The following GGNBP2 variants were observed in gnomAD, a reference collection of about 807,000 sequenced individuals.
The protein encoded by GGNBP2 is gametogenetin-binding protein 2.
A neutral mutation model predicts 85.9 loss-of-function variants in GGNBP2; 10 were observed. The observed-to-expected ratio is 0.12, with a 90% CI of 0.07 to 0.20. GGNBP2 has a LOEUF of 0.20. Among genes scored for constraint, GGNBP2 ranks in the 10% least tolerant of loss-of-function variants. The pLI is 1.00. For synonymous variants in GGNBP2, 287 were observed against 285.7 expected (o/e 1.00, Z -0.05); for missense variants, 595 against 857.8 (o/e 0.69, Z 3.83).
chr17:36,583,134 A>G (rs751953470), intron 9 of GGNBP2, among the ~76,000 whole-genome samples: 4 of 151,828 alleles, frequency 2.6e-5, no homozygotes, highest in Non-Finnish European at 5.9e-5. Flanking sequence ...GCTCACTGCA[A>G]CCTCCGCCTC....
chr17:36,588,765 G>A (rs1054692867), intron 13 of GGNBP2, among the ~76,000 whole-genome samples: 5 of 151,998 alleles, frequency 3.3e-5, no homozygotes, highest in Non-Finnish European at 5.9e-5. Flanking sequence ...ACCTGTATAA[G>A]TTTAATGTTT....
At chr17:36,577,530 GA>G (rs1315104969) in intron 6 of GGNBP2, 1 of 162,938 alleles carries the variant, frequency 6.1e-6, no homozygotes, top group Admixed American at 6.0e-5. Flanking sequence ...TGTTGTAATA[GA>G]AATTGGAGTC....
At chr17:36,568,517 G>A (rs1473123317) in intron 6 of GGNBP2, among the ~76,000 whole-genome samples, 5 of 151,606 alleles carry the variant, frequency 3.3e-5, no homozygotes, top group East Asian at 2.0e-4. Context: ...GGCTGGTCTC[G>A]AACTCCTGAC....
chr17:36,575,648 A>ATATT (rs374366757), intron 6 of GGNBP2, among the ~76,000 whole-genome samples: 1,265 of 54,800 alleles, frequency 0.023, 58 homozygotes, highest in Non-Finnish European at 0.024. Context: ...ATATATATAT[A>ATATT]TTTTTTTTTT....
chr17:36,562,685 G>C (rs2074429407), intron 5 of GGNBP2, among the ~76,000 whole-genome samples: 1 of 151,188 alleles, frequency 6.6e-6, no homozygotes, highest in African/African-American at 2.4e-5. Flanking sequence ...ACATTTTATC[G>C]GCCGGGTGCA....
intron 3 of GGNBP2, 90 bp from the exon 4 acceptor site, chr17:36,556,993 T>A (rs2074368415): frequency 4.7e-6 from 7 of 1,498,452 alleles, no homozygotes; most frequent in Non-Finnish European, 6.4e-6. Flanking sequence ...AGGTTGTACT[T>A]TACTGCACAA....
intron 6 of GGNBP2, among the ~76,000 whole-genome samples, chr17:36,574,025 C>T (rs2142754969): frequency 6.6e-6 from 1 of 152,096 alleles, no homozygotes; most frequent in East Asian, 1.9e-4. Flanking sequence ...ACCCCTTATT[C>T]AATATATGGT....
At chr17:36,553,380 C>T (rs1437556065) in intron 2 of GGNBP2, among the ~76,000 whole-genome samples, 4 of 152,138 alleles carry the variant, frequency 2.6e-5, no homozygotes, top group African/African-American at 9.7e-5. Flanking sequence ...TCAAGAAAAA[C>T]TCTTAAATCT....
chr17:36,573,344 C>A (rs1168125862), intron 6 of GGNBP2, among the ~76,000 whole-genome samples: 1 of 152,126 alleles, frequency 6.6e-6, no homozygotes, highest in African/African-American at 2.4e-5. Flanking sequence ...AACTCCAGAC[C>A]TCAAGTGATC....
chr17:36,575,722 C>A (rs2074574495), intron 6 of GGNBP2, among the ~76,000 whole-genome samples: 1 of 143,654 alleles, frequency 7.0e-6, no homozygotes, highest in East Asian at 2.1e-4. Context: ...TCTTGGCTCA[C>A]TGCAACCTCT....
chr17:36,546,239 A>C (rs1401092753), intron 2 of GGNBP2: 3 of 332,900 alleles, frequency 9.0e-6, no homozygotes, highest in Admixed American at 9.6e-5. Flanking sequence ...TTTCTGTTTT[A>C]ATACTGGTAG....
chr17:36,551,209 CTT>C (rs67093103), intron 2 of GGNBP2, among the ~76,000 whole-genome samples: 45 of 145,984 alleles, frequency 3.1e-4, no homozygotes, highest in Non-Finnish European at 3.6e-4. Context: ...TCTTTATTGA[CTT>C]TTTTTTTTTT....
chr17:36,573,842 A>G (rs981836741), intron 6 of GGNBP2, among the ~76,000 whole-genome samples: 1 of 152,078 alleles, frequency 6.6e-6, no homozygotes, highest in Non-Finnish European at 1.5e-5. Context: ...AGAAATGTCG[A>G]TTCATGCTTT....
At position 36,570,560 on chromosome 17, in the gene GGNBP2, C is replaced by T. The variant is rs142761176; in HGVS notation, c.641+2784C>T. On this transcript the variant is annotated intron_variant, in intron 6 of 13. Coordinates refer to ENST00000613102, the MANE Select transcript of GGNBP2 (RefSeq NM_024835.5). ...ACTAAATATACAAAAATTAGCTGGGCGTGGTGGTGGGTGCCTATAATCCCA... is the reference window on the plus strand; with the variant it reads ...ACTAAATATACAAAAATTAGCTGGGTGTGGTGGTGGGTGCCTATAATCCCA... Among the ~76,000 whole-genome samples, 165 of 151,986 alleles carry T rather than the reference C, an allele frequency of 1.1e-3. 1 individual carries two copies. Among genetic ancestry groups the T allele is most frequent in the African/African-American group, 3.7e-3 (154 of 41,420 alleles).
chr17:36,552,522 A>G (rs1432637108), intron 2 of GGNBP2, among the ~76,000 whole-genome samples: 1 of 138,626 alleles, frequency 7.2e-6, no homozygotes, highest in African/African-American at 2.4e-5. Context: ...GATAAAGTTA[A>G]TGTATGAAAG....
At chr17:36,560,420 T>C (rs1015947822) in intron 4 of GGNBP2, among the ~76,000 whole-genome samples, 7 of 152,226 alleles carry the variant, frequency 4.6e-5, no homozygotes, top group Non-Finnish European at 1.0e-4. Context: ...GTGAGGTTTT[T>C]ATATATTTTT....
At chr17:36,547,478 G>A (rs2074266202) in intron 2 of GGNBP2, 1 of 152,190 alleles carries the variant, frequency 6.6e-6, no homozygotes, top group African/African-American at 2.4e-5. Flanking sequence ...AAAGACACTA[G>A]TTCTTGGTAT....
Position 36,587,237 on chromosome 17 carries a change from G to A in GGNBP2, c.1882G>A (p.Glu628Lys). 1 of 1,614,126 alleles carries A rather than the reference G, an allele frequency of 6.2e-7. No homozygotes were observed. ...CGGAAAAGGTGCCAAGAGCTTAGTTGAACTCCTTGTAAGTATTCCATGTGG... is the reference window on the plus strand; with the variant it reads ...CGGAAAAGGTGCCAAGAGCTTAGTTAAACTCCTTGTAAGTATTCCATGTGG... Reference protein sequence around the residue: ...DSGKGAKSLVELLDESECTSD... With the variant: ...DSGKGAKSLVKLLDESECTSD... Residue 628 changes from glutamate to lysine, a missense_variant, in exon 13 of 14, where the codon GAA (glutamate) becomes AAA (lysine). By Grantham distance (56) the Glu-to-Lys change is moderately conservative. Around this residue, in one of 9 missense-constraint regions of GGNBP2, gnomAD observed 120 missense variants for 126.3 expected, o/e 0.95. Coordinates refer to ENST00000613102, the MANE Select transcript of GGNBP2 (RefSeq NM_024835.5).
intron 6 of GGNBP2, among the ~76,000 whole-genome samples, chr17:36,575,648 A>ATATATATATATTTTTTTT (rs374366757): frequency 1.8e-5 from 1 of 54,910 alleles, no homozygotes; most frequent in African/African-American, 1.1e-4. Flanking sequence ...ATATATATAT[A>ATATATATATATTTTTTTT]TTTTTTTTTT....
Sources: allele counts gnomAD v4.1 joint callset (sites outside exome capture counted in the v4.1 genomes callset), GRCh38; gene constraint gnomAD v4.1.1; regional missense constraint gnomAD v4.1.1; transcripts MANE v1.5; gene names NCBI Gene and HGNC (gene_info 2026-07-23, HGNC 2026-07-21).